ROBO1: variants seen among roughly 807,000 people sequenced by gnomAD.
ROBO1 encodes the protein roundabout guidance receptor 1.
A neutral mutation model predicts 195.9 loss-of-function variants in ROBO1; 149 were observed. The ratio of observed to expected loss-of-function variants is 0.76; its 90% CI spans 0.67 to 0.87. The LOEUF (loss-of-function observed/expected upper bound fraction) is 0.87. ROBO1 is among the 40% of genes least tolerant of loss of function. The probability of loss-of-function intolerance (pLI) is 0.00; values close to 1 mark genes in which losing one functional copy is unlikely to be tolerated. For missense variants in ROBO1, 1,933 were observed against 2,068.3 expected (o/e 0.93, Z 1.27); for synonymous variants, 816 against 733.2 (o/e 1.11, Z -1.82).
chr3:78,945,096 G>A (rs1298298377), intron 3 of ROBO1, among the ~76,000 whole-genome samples: 1 of 152,148 alleles, frequency 6.6e-6, no homozygotes, highest in Non-Finnish European at 1.5e-5. Flanking sequence ...CTGGGGTCAG[G>A]GCATGGACAA....
intron 1 of ROBO1, among the ~76,000 whole-genome samples, chr3:79,725,352 G>A (rs1021024569): frequency 2.3e-4 from 33 of 144,192 alleles, no homozygotes; most frequent in Non-Finnish European, 4.2e-4. Context: ...TCAGCCTCCC[G>A]AGTAGCTGGG....
At chr3:79,153,140 A>T (rs940134647) in intron 2 of ROBO1, among the ~76,000 whole-genome samples, 1 of 151,606 alleles carries the variant, frequency 6.6e-6, no homozygotes, top group African/African-American at 2.4e-5. Flanking sequence ...AGTGATGGGC[A>T]TTTTGAAATG....
chr3:79,195,173 C>A (rs1472980983), intron 2 of ROBO1, among the ~76,000 whole-genome samples: 1 of 151,494 alleles, frequency 6.6e-6, no homozygotes, highest in African/African-American at 2.4e-5. Context: ...CTCCAAAGAT[C>A]AGTACTGTCA....
chr3:78,812,853 C>T (rs1344316365), intron 4 of ROBO1, among the ~76,000 whole-genome samples: 1 of 151,958 alleles, frequency 6.6e-6, no homozygotes, highest in Non-Finnish European at 1.5e-5. Flanking sequence ...AGCTAAAATC[C>T]TGAACTTAAC....
At chr3:79,299,466 C>T (rs953550673) in intron 2 of ROBO1, among the ~76,000 whole-genome samples, 3 of 152,026 alleles carry the variant, frequency 2.0e-5, no homozygotes, top group African/African-American at 4.8e-5. Context: ...GTGTCATTTT[C>T]GTTTATTATA....
chr3:79,739,598 T>C (rs1157682982), intron 1 of ROBO1, among the ~76,000 whole-genome samples: 1 of 152,172 alleles, frequency 6.6e-6, no homozygotes, highest in Non-Finnish European at 1.5e-5. Flanking sequence ...CTATTTCACA[T>C]TTATTATTTT....
intron 2 of ROBO1, among the ~76,000 whole-genome samples, chr3:79,314,989 G>GA (rs1223428964): frequency 3.9e-5 from 6 of 152,164 alleles, no homozygotes; most frequent in African/African-American, 1.4e-4. Flanking sequence ...AGTTCTCACC[G>GA]AAATGTCTTT....
chr3:79,631,575 G>C (rs1216038103), intron 1 of ROBO1, among the ~76,000 whole-genome samples: 3 of 151,932 alleles, frequency 2.0e-5, no homozygotes, highest in East Asian at 3.9e-4. Flanking sequence ...CATGGACCCA[G>C]GCAAAAAATT....
rs1340340009 is a variant in ROBO1, at chr3:79,262,726, A to T, written c.89-137187T>A. On this transcript the variant is annotated intron_variant, in intron 2 of 30. Coordinates refer to ENST00000464233, the MANE Select transcript of ROBO1 (RefSeq NM_002941.4). ...ATATTTTCATTTTACTATAAAAAGC[A>T]GCATTATATCATATGTATTTTATAT... Among the ~76,000 whole-genome samples the T allele has an allele frequency of 3.7e-4, 56 of 152,130 alleles. 1 individual carries two copies. Among genetic ancestry groups the T allele is most frequent in the Non-Finnish European group, 1.5e-5 (1 of 68,014 alleles).
At chr3:78,770,064 T>A (rs780259661) in intron 4 of ROBO1, among the ~76,000 whole-genome samples, 6 of 152,184 alleles carry the variant, frequency 3.9e-5, no homozygotes, top group Non-Finnish European at 8.8e-5. Flanking sequence ...TAGGTGAAGA[T>A]CATTTTGTGA....
At chr3:78,902,515 T>C (rs543128226) in intron 4 of ROBO1, among the ~76,000 whole-genome samples, 18 of 152,256 alleles carry the variant, frequency 1.2e-4, no homozygotes, top group African/African-American at 4.3e-4. Flanking sequence ...AATGTTCATT[T>C]TGTGTTTTCT....
At chr3:78,969,438 T>C (rs548677731) in intron 3 of ROBO1, among the ~76,000 whole-genome samples, 7 of 152,332 alleles carry the variant, frequency 4.6e-5, no homozygotes, top group Admixed American at 2.6e-4. Context: ...TGCTAATCAC[T>C]TGACACAGAA....
chr3:79,519,407 GA>G (rs1941099178), intron 2 of ROBO1, among the ~76,000 whole-genome samples: 2 of 151,866 alleles, frequency 1.3e-5, no homozygotes, highest in Admixed American at 1.3e-4. Context: ...GAAACGGGTG[GA>G]TCACGAGGTC....
intron 2 of ROBO1, among the ~76,000 whole-genome samples, chr3:79,420,997 G>A (rs905936157): frequency 5.9e-5 from 9 of 151,924 alleles, no homozygotes; most frequent in African/African-American, 2.2e-4. Context: ...TTGGTAGGCT[G>A]GATAAACAAA....
At chr3:78,948,698 C>T (rs911738289) in intron 3 of ROBO1, among the ~76,000 whole-genome samples, 2 of 152,088 alleles carry the variant, frequency 1.3e-5, no homozygotes, top group Non-Finnish European at 2.9e-5. Context: ...AAAGGGTATT[C>T]AATTAGGAAA....
chr3:79,616,470 A>C (rs971601867), intron 1 of ROBO1, among the ~76,000 whole-genome samples: 1 of 152,108 alleles, frequency 6.6e-6, no homozygotes, highest in African/African-American at 2.4e-5. Context: ...ACAATATGGG[A>C]CGGCCCTAGG....
chr3:78,688,926 T>A, intron 8 of ROBO1, 154 bp from the exon 9 acceptor site: 1 of 741,162 alleles, frequency 1.3e-6, no homozygotes, highest in Non-Finnish European at 1.9e-6. Flanking sequence ...AATTTGAAAC[T>A]AAAATGTTAA....
chr3:78,947,451 A>C (rs1166801881), intron 3 of ROBO1, among the ~76,000 whole-genome samples: 2 of 152,242 alleles, frequency 1.3e-5, no homozygotes, highest in African/African-American at 4.8e-5. Context: ...CGAAGGCAGA[A>C]ATAAAGATGT....
chr3:79,720,494 C>A (rs1473834251), intron 1 of ROBO1, among the ~76,000 whole-genome samples: 1 of 152,122 alleles, frequency 6.6e-6, no homozygotes, highest in South Asian at 2.1e-4. Flanking sequence ...TCCAGTCCAA[C>A]CAATGAAATA....
Sources: allele counts gnomAD v4.1 joint callset (sites outside exome capture counted in the v4.1 genomes callset), GRCh38; gene constraint gnomAD v4.1.1; transcripts MANE v1.5; gene names NCBI Gene and HGNC (gene_info 2026-07-23, HGNC 2026-07-21).